Variants in SUGP1 observed in about 807,000 individuals in gnomAD.
The protein encoded by SUGP1 is SURP and G-patch domain-containing protein 1.
SUGP1 carries 34 observed loss-of-function variants against 76.5 expected under a neutral mutation model. The observed-to-expected ratio is 0.44, with a 90% confidence interval of 0.34 to 0.59. The LOEUF (loss-of-function observed/expected upper bound fraction) is 0.59, where lower values mean the gene tolerates loss of function less well. Ranked by LOEUF, SUGP1 falls within the 20% of genes least tolerant of loss-of-function variation. The pLI is 0.01. For missense variants in SUGP1, 752 were observed against 851.7 expected (o/e 0.88, Z 1.46); for synonymous variants, 326 against 326.2 (o/e 1.00, Z 0.01).
Position 19,276,934 on chromosome 19 carries a change from A to C in SUGP1, c.1911+13T>G, listed in dbSNP as rs2074550. 0.36 allele frequency: 574,455 copies of C among 1,612,148 alleles called. 107,076 individuals carry two copies. Among genetic ancestry groups the C allele is most frequent in the African/African-American group, 0.62 (46,648 of 74,900 alleles). ...GTCGACTGAGCAAAGGCAGCCCAGG[A>C]GGACATGCGTACCAGGGGGTTGGGC... On this transcript the variant is annotated intron_variant, in intron 13 of 13. Coordinates refer to ENST00000247001, the MANE Select transcript of SUGP1 (RefSeq NM_172231.4).
intron 2 of SUGP1, among the ~76,000 whole-genome samples, chr19:19,312,324 T>C (rs1599871240): frequency 6.6e-6 from 1 of 152,226 alleles, no homozygotes; most frequent in Admixed American, 6.5e-5. Context: ...TATATATCTT[T>C]ATTTTGCTCT....
intron 3 of SUGP1, among the ~76,000 whole-genome samples, chr19:19,309,707 G>A (rs917794139): frequency 3.3e-5 from 5 of 152,070 alleles, no homozygotes; most frequent in Non-Finnish European, 5.9e-5. Flanking sequence ...TCAGGAGATC[G>A]AGACCATCCT....
chr19:19,295,517 T>C (rs571494750), intron 8 of SUGP1, among the ~76,000 whole-genome samples: 1 of 143,776 alleles, frequency 7.0e-6, no homozygotes, highest in African/African-American at 2.6e-5. Flanking sequence ...GGCAGGAGAA[T>C]CACTTGAACC....
chr19:19,309,636 C>A (rs2061339977), intron 3 of SUGP1, among the ~76,000 whole-genome samples: 1 of 152,138 alleles, frequency 6.6e-6, no homozygotes, highest in African/African-American at 2.4e-5. Flanking sequence ...AAAGGCCGGG[C>A]ACAGTGGCTC....
At chr19:19,309,413 G>A (rs1050576961) in intron 3 of SUGP1, among the ~76,000 whole-genome samples, 1 of 152,084 alleles carries the variant, frequency 6.6e-6, no homozygotes, top group Non-Finnish European at 1.5e-5. Flanking sequence ...GAGCCCCGGA[G>A]GTTGAGGCTG....
chr19:19,286,493 AAC>A, intron 8 of SUGP1, among the ~76,000 whole-genome samples: 1 of 152,224 alleles, frequency 6.6e-6, no homozygotes, highest in East Asian at 1.9e-4. Flanking sequence ...TGGGATTTAT[AAC>A]AGAGTCCATG....
At chr19:19,301,397 C>T (rs1179390428) in intron 7 of SUGP1, among the ~76,000 whole-genome samples, 2 of 152,190 alleles carry the variant, frequency 1.3e-5, no homozygotes, top group Non-Finnish European at 2.9e-5. Context: ...TGGTGGCCCA[C>T]TGCCCTCGTC....
chr19:19,276,839 G>T, intron 13 of SUGP1, 108 bp downstream of exon 13: 1 of 1,555,962 alleles, frequency 6.4e-7, no homozygotes, highest in Admixed American at 1.8e-5. Flanking sequence ...TAGGGGGCTC[G>T]CTGGTGAGAC....
chr19:19,292,726 G>C (rs2146604302), intron 8 of SUGP1, among the ~76,000 whole-genome samples: 1 of 152,170 alleles, frequency 6.6e-6, no homozygotes, highest in Middle Eastern at 3.4e-3. Flanking sequence ...AATACAGATG[G>C]AGAAATCCTC....
At chr19:19,315,455 G>A (rs183497538) in intron 2 of SUGP1, among the ~76,000 whole-genome samples, 11 of 152,266 alleles carry the variant, frequency 7.2e-5, no homozygotes, top group Non-Finnish European at 5.9e-5. Flanking sequence ...TGAAAAGCTT[G>A]GATCTGGTCA....
chr19:19,314,264 A>G (rs1186920876), intron 2 of SUGP1, among the ~76,000 whole-genome samples: 1 of 152,062 alleles, frequency 6.6e-6, no homozygotes, highest in East Asian at 1.9e-4. Context: ...CGGAGGTTGT[A>G]GTGAGCCGAG....
chr19:19,305,968 G>A lies in SUGP1; in HGVS notation c.419C>T (p.Pro140Leu), dbSNP rs146447054. ...GTGGGAGTAGCTCTTCACAGGGCCC[G>A]GCAGGCTGGCCAGCCCCAGGCCTGT... ...RRTGLGLASLPGPVKSYSHAK... is the reference protein window; with the variant it reads ...RRTGLGLASLLGPVKSYSHAK... The change falls in exon 4 of 14, where the codon CCG (proline) becomes CTG (leucine). Residue 140 changes from proline to leucine, a missense_variant. This residue lies in a region of SUGP1 where 620 missense variants were observed against 617.3 expected (regional missense o/e 1.00). Transcript: ENST00000247001. The A allele has an allele frequency of 1.3e-5, 21 of 1,612,116 alleles. No individual in the cohort carries two copies. Among genetic ancestry groups the A allele is most frequent in the African/African-American group, 4.0e-5 (3 of 74,926 alleles).
At chr19:19,293,445 G>A (rs537169076) in intron 8 of SUGP1, among the ~76,000 whole-genome samples, 19 of 151,966 alleles carry the variant, frequency 1.3e-4, no homozygotes, top group Non-Finnish European at 2.5e-4. Flanking sequence ...TTGGCCAGTC[G>A]TGGTGGTGGG....
chr19:19,277,662 G>A, intron 12 of SUGP1, 72 bp downstream of exon 12: 2 of 1,563,930 alleles, frequency 1.3e-6, no homozygotes, highest in African/African-American at 2.7e-5. Context: ...TAAAGGGGTG[G>A]GAATGGGGAG....
At position 19,314,790 on chromosome 19, in the gene SUGP1, T is replaced by C. The variant is rs548872002; in HGVS notation, c.206+1632A>G. On this transcript the variant is annotated intron_variant, in intron 2 of 13. Transcript: ENST00000247001. ...TGGCTCACGCCTGTAATCCCAACAC[T>C]CTGGGAGACTGAGAGGGGCGGATCA... Among the ~76,000 whole-genome samples the C allele has an allele frequency of 2.6e-5, 4 of 151,610 alleles. No homozygotes were observed. The East Asian group carries it at 7.8e-4, about 30-fold the overall frequency.
intron 11 of SUGP1, among the ~76,000 whole-genome samples, chr19:19,278,442 G>C (rs915736585): frequency 1.3e-5 from 2 of 152,118 alleles, no homozygotes; most frequent in Non-Finnish European, 2.9e-5. Flanking sequence ...CACTTAATTG[G>C]CTCCACTGGA....
chr19:19,294,266 A>G (rs984730190), intron 8 of SUGP1, among the ~76,000 whole-genome samples: 6 of 151,604 alleles, frequency 4.0e-5, no homozygotes, highest in East Asian at 2.0e-4. Flanking sequence ...GCTCATGCCT[A>G]TAATTCCAAC....
intron 3 of SUGP1, among the ~76,000 whole-genome samples, chr19:19,307,561 G>C (rs544848675): frequency 1.3e-5 from 2 of 151,996 alleles, no homozygotes; most frequent in Admixed American, 1.3e-4. Context: ...CACACTGCTT[G>C]ACTGAGAGGA....
intron 12 of SUGP1, among the ~76,000 whole-genome samples, 181 bp downstream of exon 12, chr19:19,277,553 A>G (rs535822511): frequency 4.2e-4 from 64 of 152,280 alleles, no homozygotes; most frequent in African/African-American, 1.5e-3. Context: ...ACTGGGGAGG[A>G]CCCAGCCCGT....
Sources: gnomAD v4.1 joint callset for allele counts (sites outside exome capture counted in the v4.1 genomes callset) on GRCh38, gnomAD v4.1.1 for gene constraint, gnomAD v4.1.1 regional missense constraint, MANE v1.5 for transcripts, NCBI Gene and HGNC (gene_info 2026-07-23, HGNC 2026-07-21) for gene names.